The following ZSCAN20 variants were observed in gnomAD, a reference collection of about 807,000 sequenced individuals.
ZSCAN20 encodes the protein zinc finger and SCAN domain-containing protein 20.
In ZSCAN20, 39 loss-of-function variants were observed where a neutral mutation model predicts 97.1. The ratio of observed to expected loss-of-function variants is 0.40; its 90% confidence interval spans 0.31 to 0.52. The LOEUF is 0.52. Among genes scored for constraint, ZSCAN20 ranks in the 20% least tolerant of loss-of-function variants. The pLI, the probability that ZSCAN20 is intolerant of heterozygous loss-of-function variation, is 0.49. For missense variants in ZSCAN20, 1,115 were observed against 1,290.4 expected, an observed-to-expected ratio of 0.86 and a Z score of 2.08; for synonymous variants, 456 against 467.3, an observed-to-expected ratio of 0.98 and a Z score of 0.31.
At chr1:33,485,029 A>G (rs1454781050) in intron 2 of ZSCAN20, among the ~76,000 whole-genome samples, 3 of 152,238 alleles carry the variant, frequency 2.0e-5, no homozygotes, top group Non-Finnish European at 4.4e-5. Context: ...AGACTAAATA[A>G]GGAAATATTC....
Position 33,493,524 on chromosome 1 carries a change from T to G in ZSCAN20, c.1782T>G (p.Ser594Arg), listed in dbSNP as rs751016183. 1.9e-6 allele frequency: 3 copies of G among 1,613,670 alleles called. No homozygotes were observed. In the South Asian group the frequency reaches 3.3e-5, roughly 18 times the overall value. Residue 594 changes from serine to arginine, a missense_variant, in exon 7 of 8, where the codon AGT becomes AGG. Physicochemically the swap from Ser to Arg is moderately radical, Grantham distance 110 (BLOSUM62 -1). Around this residue, in one of 3 missense-constraint regions of ZSCAN20, gnomAD observed 554 missense variants for 584.9 expected, o/e 0.95. Coordinates refer to ENST00000684572, the MANE Select transcript of ZSCAN20 (RefSeq NM_001377376.1). This position sits in a 1 kb window ranked among gnomAD's most constrained non-coding sequence, Gnocchi z 4.3. ...AAGLPRCGQS[S>R]AETDAQEAWG... The stretch of plus-strand genomic sequence containing the variant: ...GTCTCCCTAGGTGTGGGCAGAGTAG[T>G]GCTGAGACTGATGCCCAGGAGGCCT...
At position 33,498,744 on chromosome 1, in the gene ZSCAN20, C is replaced by T. The variant is rs1391197286; in HGVS notation, c.*3268C>T. Among the ~76,000 whole-genome samples the T allele has an allele frequency of 1.3e-5, 2 of 152,174 alleles. No individual in the cohort carries two copies. The highest frequency in any genetic ancestry group is 1.3e-4 in the Admixed American group (2 of 15,282). The stretch of plus-strand genomic sequence containing the variant: ...GTTACATCATGTGAGCTGCTAAAGG[C>T]AGGATCGTCTCCCCAGATGGCTGCC... On this transcript the variant is annotated 3_prime_UTR_variant, in exon 8 of 8. Coordinates refer to ENST00000684572, the MANE Select transcript of ZSCAN20 (RefSeq NM_001377376.1).
In ZSCAN20 at chr1:33,497,002, T is replaced by A. The variant is rs1652894313; in HGVS notation, c.*1526T>A. 6.6e-6 allele frequency among the ~76,000 whole-genome samples: 1 copy of A among 152,224 alleles called. No individual in the cohort carries two copies. On this transcript the variant is annotated 3_prime_UTR_variant, in exon 8 of 8. Coordinates refer to ENST00000684572, the MANE Select transcript of ZSCAN20 (RefSeq NM_001377376.1). ...CCAAGGACTTCGGTTTCCATAGGAC[T>A]TTAAAGGAAAATCCCCCTCCTGCCA...
intron 2 of ZSCAN20, among the ~76,000 whole-genome samples, chr1:33,482,099 T>C (rs548073968): frequency 5.9e-5 from 9 of 152,288 alleles, no homozygotes; most frequent in African/African-American, 2.2e-4. Flanking sequence ...CATTCTGTAA[T>C]GTATGACATT....
At chr1:33,488,346 A>G in intron 2 of ZSCAN20, 119 bp from the exon 3 acceptor site, 1 of 997,664 alleles carries the variant, frequency 1.0e-6, no homozygotes, top group Non-Finnish European at 1.5e-6. Context: ...TTCTCATCCT[A>G]TTTCAAGCCA....
At chr1:33,483,208 C>A (rs961226096) in intron 2 of ZSCAN20, among the ~76,000 whole-genome samples, 16 of 147,412 alleles carry the variant, frequency 1.1e-4, no homozygotes, top group Non-Finnish European at 1.8e-4. Context: ...ACGTTAAGGT[C>A]TGTGATCCAT....
In ZSCAN20 at chr1:33,491,408, C is replaced by T. The variant is rs1488535405; in HGVS notation, c.1150C>T (p.Leu384=). The T allele has an allele frequency of 6.2e-7, 1 of 1,614,090 alleles. No individual in the cohort carries two copies. The highest frequency in any genetic ancestry group is 8.5e-7 in the Non-Finnish European group (1 of 1,180,040). ...ATGTCGCTATAGGGTCAAAAACCTC[C>T]TACGGAATTACCGGAAAGCCAAGAG... The part of the protein sequence containing the change: ...EQCRYRVKNL[L]RNYRKAKSSH... Residue 384 remains leucine (L), a synonymous_variant, in exon 6 of 8, where the codon CTA becomes TTA. Transcript: ENST00000684572. The surrounding 1 kb of genome is among the most constrained non-coding windows in gnomAD (Gnocchi z 4.3).
intron 4 of ZSCAN20, 146 bp downstream of exon 4, chr1:33,489,337 G>C: frequency 2.9e-6 from 3 of 1,043,466 alleles, no homozygotes; most frequent in Non-Finnish European, 4.2e-6. Flanking sequence ...CCCCCAGCCT[G>C]CTGGGCCCCA....
intron 5 of ZSCAN20, among the ~76,000 whole-genome samples, chr1:33,490,684 C>CA (rs57345949): frequency 0.12 from 14,850 of 127,704 alleles, 1,112 homozygotes; most frequent in African/African-American, 0.22. Context: ...CACACACACA[C>CA]CACACACCCT....
intron 5 of ZSCAN20, 79 bp from the exon 6 acceptor site, chr1:33,490,944 GAT>G: frequency 7.4e-7 from 1 of 1,349,168 alleles, no homozygotes; most frequent in Non-Finnish European, 1.0e-6. Context: ...GCAAGGAAAA[GAT>G]AGAAGTTTCA....
chr1:33,484,843 A>G (rs1324276595), intron 2 of ZSCAN20, among the ~76,000 whole-genome samples: 1 of 151,926 alleles, frequency 6.6e-6, no homozygotes, highest in African/African-American at 2.4e-5. Flanking sequence ...GCTGGTCTCA[A>G]ACTCCTGACT....
chr1:33,495,245 C>T lies in ZSCAN20; in HGVS notation c.2901C>T (p.Phe967=), dbSNP rs773637537. 1.6e-5 allele frequency: 26 copies of T among 1,612,948 alleles called. No homozygotes were observed. The highest frequency in any genetic ancestry group is 2.7e-5 in the African/African-American group (2 of 74,900). Residue 967 remains phenylalanine (F), a synonymous_variant, in exon 8 of 8, where the codon TTC becomes TTT. Coordinates refer to ENST00000684572, the MANE Select transcript of ZSCAN20 (RefSeq NM_001377376.1). ...ACAAATGCCTTGAGTGTGGAAAATT[C>T]TTCCGTGACCGTTCTAACCTCATTA... ...KPYKCLECGK[F]FRDRSNLITH...
intron 1 of ZSCAN20, among the ~76,000 whole-genome samples, chr1:33,478,742 G>A (rs1449889810): frequency 2.0e-5 from 3 of 152,062 alleles, no homozygotes; most frequent in Non-Finnish European, 2.9e-5. Flanking sequence ...GGTGACATTT[G>A]GAACCCAACT....
rs1376454881 is a variant in ZSCAN20 at position 33,499,244 on chromosome 1, G to T, written c.*3768G>T. 6.6e-6 allele frequency among the ~76,000 whole-genome samples: 1 copy of T among 152,192 alleles called. No homozygotes were observed. The highest frequency in any genetic ancestry group is 1.5e-5 in the Non-Finnish European group (1 of 68,030). On this transcript the variant is annotated 3_prime_UTR_variant, in exon 8 of 8. Transcript: ENST00000684572. The stretch of plus-strand genomic sequence containing the variant: ...GCAGTGATGTCTGGAGTGGGTGTGG[G>T]TGTTGCAGGTGAACTTGCCTCACCC...
intron 2 of ZSCAN20, among the ~76,000 whole-genome samples, chr1:33,486,995 G>A (rs959574539): frequency 1.3e-5 from 2 of 152,170 alleles, no homozygotes; most frequent in African/African-American, 2.4e-5. Flanking sequence ...AATGAAGATA[G>A]TTGTTATTAT....
At position 33,479,672 on chromosome 1, in the gene ZSCAN20, T is replaced by A; in HGVS notation, c.384T>A (p.Asp128Glu). ...AGGAGGCTGTGGCCTTGGTGGAGGA[T>A]TGGCACCGAGAGACCAGGACTGCAG... ...SGEEAVALVE[D>E]WHRETRTAGQ... Residue 128 changes from aspartate to glutamate, a missense_variant, in exon 2 of 8, where the codon GAT becomes GAA. Transcript: ENST00000684572. The A allele has an allele frequency of 1.3e-6, 2 of 1,588,330 alleles. No individual in the cohort carries two copies. The highest frequency in any genetic ancestry group is 1.7e-6 in the Non-Finnish European group (2 of 1,170,004).
intron 1 of ZSCAN20, among the ~76,000 whole-genome samples, chr1:33,475,108 C>T (rs143179812): frequency 3.9e-5 from 6 of 152,296 alleles, no homozygotes; most frequent in Admixed American, 2.6e-4. Flanking sequence ...TCCATTCTCC[C>T]GTACTGTCAT....
At chr1:33,480,836 T>C (rs1652127721) in intron 2 of ZSCAN20, among the ~76,000 whole-genome samples, 1 of 152,252 alleles carries the variant, frequency 6.6e-6, no homozygotes, top group African/African-American at 2.4e-5. Flanking sequence ...TGAATCCTGC[T>C]TCAAAGCTGG....
chr1:33,496,868 C>T lies in ZSCAN20; in HGVS notation c.*1392C>T, dbSNP rs182417917. 3.1e-4 allele frequency among the ~76,000 whole-genome samples: 47 copies of T among 152,346 alleles called. No homozygotes were observed. Among genetic ancestry groups the T allele is most frequent in the Non-Finnish European group, 4.3e-4 (29 of 68,038 alleles). ...TTTCTGTATGTTGACCCTTAAGACT[C>T]ACCTCCCACATGGACAGGCTAAGTT... On this transcript the variant is annotated 3_prime_UTR_variant, in exon 8 of 8. Coordinates refer to ENST00000684572, the MANE Select transcript of ZSCAN20 (RefSeq NM_001377376.1).
Sources: allele counts gnomAD v4.1 joint callset (sites outside exome capture counted in the v4.1 genomes callset), GRCh38; gene constraint gnomAD v4.1.1; regional missense constraint gnomAD v4.1.1; non-coding constraint Gnocchi (gnomAD v3.1); transcripts MANE v1.5; gene names NCBI Gene and HGNC (gene_info 2026-07-23, HGNC 2026-07-21).